NAALADL2: variants seen among roughly 807,000 people sequenced by gnomAD.
The protein encoded by NAALADL2 is inactive N-acetylated-alpha-linked acidic dipeptidase-like protein 2.
In NAALADL2, 76 loss-of-function variants were observed where a neutral mutation model predicts 87.2. The observed-to-expected ratio is 0.87, with a 90% CI of 0.72 to 1.05. The LOEUF is 1.05. Ranked by LOEUF, NAALADL2 falls within the 50% of genes least tolerant of loss-of-function variation. NAALADL2 has a pLI of 0.00. For synonymous variants in NAALADL2, 354 were observed against 331.0 expected, an observed-to-expected ratio of 1.07 and a Z score of -0.75; for missense variants, 1,089 against 945.8, an observed-to-expected ratio of 1.15 and a Z score of -1.99.
At chr3:175,712,424 T>C (rs1383785603) in intron 11 of NAALADL2, among the ~76,000 whole-genome samples, 3 of 151,980 alleles carry the variant, frequency 2.0e-5, no homozygotes, top group Admixed American at 6.6e-5. Context: ...CAGGAAATCT[T>C]GGAATGAGAC....
At chr3:174,850,488 A>G (rs1433568963) in intron 3 of NAALADL2, among the ~76,000 whole-genome samples, 1 of 152,222 alleles carries the variant, frequency 6.6e-6, no homozygotes, top group African/African-American at 2.4e-5. Flanking sequence ...GTTAGATAAA[A>G]TAGATTTCAA....
intron 2 of NAALADL2, among the ~76,000 whole-genome samples, chr3:175,207,206 T>C (rs1333410159): frequency 1.3e-5 from 2 of 152,098 alleles, no homozygotes; most frequent in African/African-American, 4.8e-5. Context: ...TTGTTGCAAG[T>C]ATTTAAAGCA....
chr3:174,784,521 A>G (rs1440580278), intron 3 of NAALADL2, among the ~76,000 whole-genome samples: 1 of 152,224 alleles, frequency 6.6e-6, no homozygotes, highest in African/African-American at 2.4e-5. Flanking sequence ...ATCAAACGAT[A>G]AAAACCTTTT....
intron 3 of NAALADL2, among the ~76,000 whole-genome samples, chr3:174,827,916 C>T (rs941761803): frequency 2.0e-5 from 3 of 152,160 alleles, no homozygotes; most frequent in African/African-American, 7.2e-5. Flanking sequence ...GGGTGCTATG[C>T]TCATGCCTGT....
At chr3:174,980,092 C>T (rs1310415819) in intron 1 of NAALADL2, among the ~76,000 whole-genome samples, 1 of 152,158 alleles carries the variant, frequency 6.6e-6, no homozygotes, top group East Asian at 1.9e-4. Context: ...ACCTCTTTCT[C>T]CGTTTACATG....
chr3:174,680,146 C>T (rs1727403272), intron 2 of NAALADL2, among the ~76,000 whole-genome samples: 1 of 66,724 alleles, frequency 1.5e-5, no homozygotes, highest in African/African-American at 7.1e-5. Context: ...ATTTCTTTGA[C>T]AATTTCTCAA....
chr3:174,823,432 A>C (rs1721640899), intron 3 of NAALADL2, among the ~76,000 whole-genome samples: 1 of 152,156 alleles, frequency 6.6e-6, no homozygotes, highest in Non-Finnish European at 1.5e-5. Context: ...CTAGAGGGCA[A>C]ATTTACAAAA....
intron 2 of NAALADL2, among the ~76,000 whole-genome samples, chr3:174,554,406 ACAT>A (rs1712501599): frequency 6.6e-6 from 1 of 151,940 alleles, no homozygotes; most frequent in African/African-American, 2.4e-5. Flanking sequence ...TTATTGTTGA[ACAT>A]CGACACCCCT....
chr3:174,755,005 C>A (rs1267733685), intron 3 of NAALADL2, among the ~76,000 whole-genome samples: 1 of 151,976 alleles, frequency 6.6e-6, no homozygotes, highest in East Asian at 1.9e-4. Flanking sequence ...GCTTTGTGTC[C>A]CCACCCAAAT....
chr3:175,396,433 A>G (rs985058505), intron 5 of NAALADL2, among the ~76,000 whole-genome samples: 5 of 152,174 alleles, frequency 3.3e-5, no homozygotes, highest in African/African-American at 1.2e-4. Flanking sequence ...CATCACTAAT[A>G]TTTTATTAAC....
At chr3:175,121,685 T>C (rs1005291149) in intron 2 of NAALADL2, among the ~76,000 whole-genome samples, 2 of 151,806 alleles carry the variant, frequency 1.3e-5, no homozygotes, top group Non-Finnish European at 2.9e-5. Flanking sequence ...TCCACTATTT[T>C]AGTTAGTACC....
At chr3:175,172,041 AAG>A (rs1191692775) in intron 2 of NAALADL2, among the ~76,000 whole-genome samples, 1 of 152,076 alleles carries the variant, frequency 6.6e-6, no homozygotes, top group Non-Finnish European at 1.5e-5. Flanking sequence ...TTATATTTTA[AAG>A]TAGCTAGAAG....
At chr3:174,594,390 A>T (rs1717674063) in intron 2 of NAALADL2, among the ~76,000 whole-genome samples, 2 of 152,322 alleles carry the variant, frequency 1.3e-5, no homozygotes, top group East Asian at 3.9e-4. Context: ...ATTTTATGAC[A>T]TCGTTGGGAA....
At chr3:175,647,441 ATCT>A (rs979501948) in intron 11 of NAALADL2, among the ~76,000 whole-genome samples, 1 of 152,108 alleles carries the variant, frequency 6.6e-6, no homozygotes, top group Non-Finnish European at 1.5e-5. Context: ...GAAGCATATA[ATCT>A]TCTTTCAGAC....
chr3:174,767,336 T>C (rs1246313899), intron 3 of NAALADL2, among the ~76,000 whole-genome samples: 1 of 152,194 alleles, frequency 6.6e-6, no homozygotes, highest in African/African-American at 2.4e-5. Flanking sequence ...CTGTCTAGTG[T>C]GAGATTCTTT....
chr3:175,287,541 C>G (rs1755133986), intron 4 of NAALADL2, among the ~76,000 whole-genome samples: 1 of 152,118 alleles, frequency 6.6e-6, no homozygotes. Flanking sequence ...CATAACTTGC[C>G]CAGGTTACAC....
At chr3:175,121,028 A>G (rs560374285) in intron 2 of NAALADL2, among the ~76,000 whole-genome samples, 5 of 151,846 alleles carry the variant, frequency 3.3e-5, no homozygotes, top group East Asian at 3.9e-4. Flanking sequence ...CCCTTTTTGC[A>G]TCTACCTTTT....
chr3:175,646,926 A>T lies in NAALADL2; in HGVS notation c.1896+19540A>T, dbSNP rs191012526. Among the ~76,000 whole-genome samples, 218 of 152,250 alleles carry T rather than the reference A, an allele frequency of 1.4e-3. 1 individual carries two copies. The highest frequency in any genetic ancestry group is 4.7e-3 in the African/African-American group (195 of 41,552). On this transcript the variant is annotated intron_variant, in intron 11 of 13. Transcript: ENST00000454872. ...AATGCTGCAGTAACAAGGAGTTCAA[A>T]AGTCTCAATAACTTACAGTAACGAA...
intron 1 of NAALADL2, among the ~76,000 whole-genome samples, chr3:175,036,869 T>G (rs1753483158): frequency 7.2e-6 from 1 of 138,936 alleles, no homozygotes; most frequent in African/African-American, 2.7e-5. Flanking sequence ...AACAGCATAA[T>G]AACTCCTGTT....
Sources: gnomAD v4.1 joint callset for allele counts (sites outside exome capture counted in the v4.1 genomes callset) on GRCh38, gnomAD v4.1.1 for gene constraint, MANE v1.5 for transcripts, NCBI Gene and HGNC (gene_info 2026-07-23, HGNC 2026-07-21) for gene names.